POU2F1: variants seen among roughly 807,000 people sequenced by gnomAD.
POU2F1 encodes the protein POU class 2 homeobox 1.
POU2F1 carries 16 observed loss-of-function variants against 84.9 expected under a neutral mutation model. The observed-to-expected ratio is 0.19, with a 90% CI of 0.13 to 0.29. The LOEUF (loss-of-function observed/expected upper bound fraction) is 0.29. POU2F1 is among the 10% of genes least tolerant of loss of function. The probability of loss-of-function intolerance (pLI) is 1.00; values close to 1 mark genes in which losing one functional copy is unlikely to be tolerated. For synonymous variants in POU2F1, 368 were observed against 368.3 expected (o/e 1.00, Z 0.01); for missense variants, 738 against 942.6 (o/e 0.78, Z 2.84).
chr1:167,406,504 G>A (rs565899027), intron 13 of POU2F1, among the ~76,000 whole-genome samples: 12 of 152,048 alleles, frequency 7.9e-5, no homozygotes, highest in Non-Finnish European at 1.5e-4. Flanking sequence ...GATTAACATC[G>A]TCCTGGAGGT....
intron 1 of POU2F1, among the ~76,000 whole-genome samples, chr1:167,275,541 T>C (rs1652670002): frequency 6.6e-6 from 1 of 152,180 alleles, no homozygotes; most frequent in African/African-American, 2.4e-5. Context: ...ACAGTTCAGA[T>C]TTTTCATTCC....
At chr1:167,290,383 C>A (rs1362379769) in intron 1 of POU2F1, among the ~76,000 whole-genome samples, 5 of 152,082 alleles carry the variant, frequency 3.3e-5, no homozygotes, top group African/African-American at 1.2e-4. Context: ...GGCGACAGAG[C>A]AAGGCCCTGT....
chr1:167,305,536 TATC>T (rs1384976299), intron 1 of POU2F1, among the ~76,000 whole-genome samples: 4 of 152,306 alleles, frequency 2.6e-5, no homozygotes, highest in African/African-American at 9.6e-5. Context: ...TAATAGCTCA[TATC>T]ATGTAACCGT....
chr1:167,407,193 C>A (rs945879735), intron 13 of POU2F1, among the ~76,000 whole-genome samples: 5 of 151,928 alleles, frequency 3.3e-5, no homozygotes, highest in African/African-American at 4.8e-5. Context: ...ACCCGCCCAG[C>A]TAATATTTGT....
chr1:167,299,690 C>G (rs995665045), intron 1 of POU2F1, among the ~76,000 whole-genome samples: 3 of 131,662 alleles, frequency 2.3e-5, no homozygotes, highest in African/African-American at 1.2e-4. Flanking sequence ...ATTCAGGAGA[C>G]CAGAGTTTTT....
At chr1:167,286,842 G>T (rs1014900134) in intron 1 of POU2F1, among the ~76,000 whole-genome samples, 4 of 152,190 alleles carry the variant, frequency 2.6e-5, no homozygotes, top group African/African-American at 9.6e-5. Context: ...GAAAAATTCT[G>T]TGAAATGTCT....
In POU2F1 at chr1:167,281,896, G is replaced by A. The variant is rs903511073; in HGVS notation, c.62-50574G>A. 2.0e-5 allele frequency among the ~76,000 whole-genome samples: 3 copies of A among 151,898 alleles called. 1 individual carries two copies. Among genetic ancestry groups the A allele is most frequent in the Non-Finnish European group, 4.4e-5 (3 of 67,960 alleles). On this transcript the variant is annotated intron_variant, in intron 1 of 15. Coordinates refer to ENST00000367866, the MANE Select transcript of POU2F1 (RefSeq NM_002697.4). ...CCAAACTCATTCTTCTCCCTTTCAG[G>A]CCACACTTTTTCCTCTACTCATATT... is the stretch of plus-strand genomic sequence containing the variant.
chr1:167,243,601 G>A (rs541481105), intron 1 of POU2F1, among the ~76,000 whole-genome samples: 62 of 152,180 alleles, frequency 4.1e-4, no homozygotes, highest in Non-Finnish European at 7.6e-4. Flanking sequence ...TCAGCCTCCC[G>A]AGTAGCTGGG....
chr1:167,305,246 G>T (rs1186986970), intron 1 of POU2F1, among the ~76,000 whole-genome samples: 1 of 136,786 alleles, frequency 7.3e-6, no homozygotes, highest in African/African-American at 2.7e-5. Context: ...GGAGTGCAGT[G>T]GCGAGATCTC....
chr1:167,341,511 C>A (rs187437994), intron 2 of POU2F1, among the ~76,000 whole-genome samples: 2 of 152,138 alleles, frequency 1.3e-5, no homozygotes, highest in East Asian at 3.9e-4. Flanking sequence ...GTTCCCTGAC[C>A]CCCCTTGCAG....
At chr1:167,314,462 A>G (rs1655735720) in intron 1 of POU2F1, among the ~76,000 whole-genome samples, 1 of 152,180 alleles carries the variant, frequency 6.6e-6, no homozygotes. Context: ...GGTATTCTGA[A>G]AAATATCTGA....
At chr1:167,301,991 T>C (rs1654730654) in intron 1 of POU2F1, among the ~76,000 whole-genome samples, 1 of 152,102 alleles carries the variant, frequency 6.6e-6, no homozygotes, top group Non-Finnish European at 1.5e-5. Flanking sequence ...ATGGTAGAAT[T>C]TTATGTTGAT....
In POU2F1 at chr1:167,420,548, CT is replaced by C. The variant is rs1650583320; in HGVS notation, c.*4740del. On this transcript the variant is annotated 3_prime_UTR_variant, in exon 16 of 16. Transcript: ENST00000367866. ...CGCTTGGCTTATAGAACTCTCTGTTCTTAGTCTAAAGCTGTTCCCAAACCAG... is the reference window on the plus strand; with the variant it reads ...CGCTTGGCTTATAGAACTCTCTGTTCTAGTCTAAAGCTGTTCCCAAACCAG... 6.6e-6 allele frequency: 1 copy of C among 152,214 alleles called. No individual in the cohort carries two copies. The allele number at this position is 152,214 out of a possible 1,614,324, so 9.4% of individuals were successfully genotyped here. A position where few individuals can be genotyped will look rare whatever the true frequency, so the allele number is the denominator to read the frequency against.
intron 1 of POU2F1, among the ~76,000 whole-genome samples, chr1:167,286,450 T>C (rs1653535641): frequency 2.0e-5 from 3 of 152,220 alleles, no homozygotes; most frequent in Non-Finnish European, 4.4e-5. Context: ...CTTTATTGTC[T>C]TAAAAATATA....
At chr1:167,375,098 C>G (rs968881518) in intron 6 of POU2F1, among the ~76,000 whole-genome samples, 15 of 151,432 alleles carry the variant, frequency 9.9e-5, no homozygotes, top group Non-Finnish European at 2.2e-4. Flanking sequence ...TCTTTAATCT[C>G]AAGAAGAGGA....
At chr1:167,301,646 A>G (rs555943669) in intron 1 of POU2F1, among the ~76,000 whole-genome samples, 56 of 152,172 alleles carry the variant, frequency 3.7e-4, no homozygotes, top group Non-Finnish European at 6.8e-4. Context: ...AGATGTGCCA[A>G]TGGACAGCAA....
intron 2 of POU2F1, among the ~76,000 whole-genome samples, chr1:167,341,842 A>AGCGGTGGAGGTGGCTCTTAGCG (rs1657881430): frequency 6.6e-6 from 1 of 152,052 alleles, no homozygotes; most frequent in Non-Finnish European, 1.5e-5. Flanking sequence ...GGTTTTGTTG[A>AGCGGTGGAGGTGGCTCTTAGCG]GCGGTGGAGG....
rs568554576 is a variant in POU2F1, at chr1:167,279,717, C to CA, written c.62-52745dup. ...TGGGCCTCAGAGCGAGACTCCATCT[C>CA]AAAAAAAACCATATGTTCCAGAGGG... is the stretch of plus-strand genomic sequence containing the variant. On this transcript the variant is annotated intron_variant, in intron 1 of 15. Transcript: ENST00000367866. Among the ~76,000 whole-genome samples the CA allele has an allele frequency of 1.4e-3, 211 of 151,084 alleles. 1 individual carries two copies. Among genetic ancestry groups the CA allele is most frequent in the African/African-American group, 3.8e-3 (155 of 41,170 alleles).
At chr1:167,234,510 T>C (rs1649307646) in intron 1 of POU2F1, among the ~76,000 whole-genome samples, 1 of 152,186 alleles carries the variant, frequency 6.6e-6, no homozygotes, top group Admixed American at 6.5e-5. Flanking sequence ...GGTGGGAGGA[T>C]TGCTTGAGAC....
Sources: gnomAD v4.1 joint callset for allele counts (sites outside exome capture counted in the v4.1 genomes callset) on GRCh38, gnomAD v4.1.1 for gene constraint, MANE v1.5 for transcripts, NCBI Gene and HGNC (gene_info 2026-07-23, HGNC 2026-07-21) for gene names.